The following KCNMA1 variants were observed in gnomAD, a reference collection of about 807,000 sequenced individuals.
The protein encoded by KCNMA1 is Calcium-activated potassium channel subunit alpha-1.
A neutral mutation model predicts 140.0 loss-of-function variants in KCNMA1; 29 were observed. The observed-to-expected ratio is 0.21, with a 90% CI of 0.15 to 0.28. The LOEUF (loss-of-function observed/expected upper bound fraction) is 0.28. Among genes scored for constraint, KCNMA1 ranks in the 10% least tolerant of loss-of-function variants. The pLI, the probability that KCNMA1 is intolerant of heterozygous loss-of-function variation, is 1.00. For synonymous variants in KCNMA1, 612 were observed against 611.9 expected (o/e 1.00, Z 0.00); for missense variants, 880 against 1,602.2 (o/e 0.55, Z 7.70).
chr10:77,520,289 G>T (rs1241053971), intron 1 of KCNMA1, among the ~76,000 whole-genome samples: 1 of 150,076 alleles, frequency 6.7e-6, no homozygotes, highest in Non-Finnish European at 1.5e-5. Flanking sequence ...TGGTGTGAGG[G>T]TATGCAGTGT....
intron 2 of KCNMA1, among the ~76,000 whole-genome samples, chr10:77,271,359 G>C (rs1246293277): frequency 1.3e-5 from 2 of 152,106 alleles, no homozygotes; most frequent in African/African-American, 2.4e-5. Context: ...CTCTCATTCT[G>C]CTGGTCCAGG....
intron 1 of KCNMA1, among the ~76,000 whole-genome samples, chr10:77,554,597 C>CAAAAAAAAAAAAAAAAAAAAAAA (rs59754706): frequency 2.4e-5 from 2 of 84,100 alleles, no homozygotes; most frequent in Non-Finnish European, 4.7e-5. Context: ...TACTCCATCT[C>CAAAAAAAAAAAAAAAAAAAAAAA]AAAAAAAAAA....
intron 2 of KCNMA1, among the ~76,000 whole-genome samples, chr10:77,280,953 T>G (rs7095476): frequency 0.21 from 31,340 of 152,148 alleles, 3,467 homozygotes; most frequent in Admixed American, 0.26. Context: ...AAATTAATTT[T>G]TAATACCAAT....
chr10:77,153,197 C>T (rs1484290828), intron 5 of KCNMA1, among the ~76,000 whole-genome samples: 1 of 152,086 alleles, frequency 6.6e-6, no homozygotes, highest in Non-Finnish European at 1.5e-5. Flanking sequence ...TAATGTATGC[C>T]AACTTTCAGT....
At chr10:77,049,485 G>A (rs1402447931) in intron 14 of KCNMA1, among the ~76,000 whole-genome samples, 1 of 152,184 alleles carries the variant, frequency 6.6e-6, no homozygotes, top group Non-Finnish European at 1.5e-5. Context: ...CATCTGAAGA[G>A]AACTACAATG....
chr10:77,625,461 TC>T (rs2092361241), intron 1 of KCNMA1, among the ~76,000 whole-genome samples: 3 of 152,162 alleles, frequency 2.0e-5, no homozygotes, highest in Admixed American at 2.0e-4. Flanking sequence ...TTGTTGTGCA[TC>T]CCATCTCCAG....
chr10:77,318,819 T>C (rs889951964), intron 2 of KCNMA1, among the ~76,000 whole-genome samples: 8 of 152,162 alleles, frequency 5.3e-5, no homozygotes, highest in Admixed American at 1.3e-4. Flanking sequence ...CTGAGAGCAG[T>C]TGGAGACTTC....
intron 2 of KCNMA1, among the ~76,000 whole-genome samples, chr10:77,277,865 TG>T (rs1484877932): frequency 6.6e-6 from 1 of 152,218 alleles, no homozygotes; most frequent in Admixed American, 6.5e-5. Context: ...GTTACGCCTT[TG>T]GACATGGACT....
intron 23 of KCNMA1, among the ~76,000 whole-genome samples, chr10:76,927,927 TCTCC>T (rs1008026095): frequency 2.6e-5 from 4 of 152,146 alleles, no homozygotes; most frequent in African/African-American, 9.7e-5. Context: ...GCAGTAATAT[TCTCC>T]CTGTCATCTT....
intron 1 of KCNMA1, among the ~76,000 whole-genome samples, chr10:77,609,184 C>G (rs528132103): frequency 6.6e-6 from 1 of 152,146 alleles, no homozygotes; most frequent in Non-Finnish European, 1.5e-5. Context: ...GCCAAGAAAT[C>G]GAACCTATCT....
intron 5 of KCNMA1, among the ~76,000 whole-genome samples, chr10:77,126,298 G>A (rs2097731414): frequency 6.6e-6 from 1 of 152,014 alleles, no homozygotes; most frequent in Admixed American, 6.5e-5. Context: ...GATTTTTACA[G>A]TTTCAAAAAA....
At chr10:77,096,377 C>T (rs760228097) in intron 9 of KCNMA1, among the ~76,000 whole-genome samples, 2 of 152,172 alleles carry the variant, frequency 1.3e-5, no homozygotes, top group Non-Finnish European at 1.5e-5. Flanking sequence ...TTCACACCTC[C>T]ATCATACCTT....
chr10:77,060,917 TCTCCTCTAGAGCCCCCAGAAGGAA>T (rs1201938545), intron 14 of KCNMA1, among the ~76,000 whole-genome samples: 1 of 151,912 alleles, frequency 6.6e-6, no homozygotes, highest in Non-Finnish European at 1.5e-5. Flanking sequence ...GGAAACAGAT[TCTCCTCTAGAGCCCCCAGAAGGAA>T]CCAGCCCCGC....
At chr10:77,044,028 C>T (rs1260023823) in intron 14 of KCNMA1, among the ~76,000 whole-genome samples, 1 of 152,130 alleles carries the variant, frequency 6.6e-6, no homozygotes, top group Non-Finnish European at 1.5e-5. Flanking sequence ...ATTTTTAAAA[C>T]CCTTATGTAT....
At chr10:77,123,481 C>A (rs909747772) in intron 5 of KCNMA1, among the ~76,000 whole-genome samples, 129 of 152,284 alleles carry the variant, frequency 8.5e-4, no homozygotes, top group African/African-American at 3.0e-3. Context: ...AACCTTCCAG[C>A]CCAACCTAGA....
intron 2 of KCNMA1, among the ~76,000 whole-genome samples, chr10:77,309,892 A>C (rs2078804843): frequency 6.6e-6 from 1 of 152,280 alleles, no homozygotes; most frequent in East Asian, 1.9e-4. Context: ...ATGATACCTG[A>C]GGCTCTGTGA....
chr10:76,971,276 G>C (rs1266263932), intron 19 of KCNMA1, among the ~76,000 whole-genome samples: 2 of 152,148 alleles, frequency 1.3e-5, no homozygotes, highest in African/African-American at 4.8e-5. Flanking sequence ...AAAGAGACTT[G>C]ATATATGTTA....
intron 1 of KCNMA1, among the ~76,000 whole-genome samples, chr10:77,420,284 G>T (rs2096839714): frequency 6.6e-6 from 1 of 152,218 alleles, no homozygotes. Context: ...CAGCCACATG[G>T]CTCCCCTAGC....
chr10:77,008,675 G>A (rs1051775357), intron 18 of KCNMA1, among the ~76,000 whole-genome samples: 7 of 152,214 alleles, frequency 4.6e-5, no homozygotes, highest in Admixed American at 6.5e-5. Context: ...GGGGAAGGAG[G>A]GTTAGGAAGC....
Sources: gnomAD v4.1 joint callset for allele counts (sites outside exome capture counted in the v4.1 genomes callset) on GRCh38, gnomAD v4.1.1 for gene constraint, MANE v1.5 for transcripts, NCBI Gene and HGNC (gene_info 2026-07-23, HGNC 2026-07-21) for gene names.